FNDC3B: variants seen among roughly 807,000 people sequenced by gnomAD.
FNDC3B encodes the protein fibronectin type III domain-containing protein 3B.
Under a neutral mutation model 151.5 loss-of-function variants are expected in FNDC3B, and 12 were observed. The observed-to-expected ratio is 0.08, with a 90% confidence interval of 0.05 to 0.13. The LOEUF (loss-of-function observed/expected upper bound fraction) is 0.13. Among genes scored for constraint, FNDC3B ranks in the 10% least tolerant of loss-of-function variants. The pLI, the probability that FNDC3B is intolerant of heterozygous loss-of-function variation, is 1.00. For missense variants in FNDC3B, 1,214 were observed against 1,505.3 expected (o/e 0.81, Z 3.20); for synonymous variants, 528 against 549.0 (o/e 0.96, Z 0.54).
At chr3:172,266,091 A>C (rs1292543493) in intron 6 of FNDC3B, among the ~76,000 whole-genome samples, 1 of 152,216 alleles carries the variant, frequency 6.6e-6, no homozygotes, top group African/African-American at 2.4e-5. Context: ...GACCCTAAAA[A>C]TTCAGTAACA....
chr3:172,133,089 G>T (rs953194867), intron 2 of FNDC3B, among the ~76,000 whole-genome samples: 7 of 152,168 alleles, frequency 4.6e-5, no homozygotes, highest in African/African-American at 4.8e-5. Flanking sequence ...ACAGTATGCA[G>T]CACTGTTAGG....
intron 1 of FNDC3B, among the ~76,000 whole-genome samples, chr3:172,086,167 C>T (rs968668596): frequency 9.2e-5 from 14 of 151,930 alleles, no homozygotes; most frequent in African/African-American, 4.8e-5. Flanking sequence ...TTGAGACTGG[C>T]CTGGGCAACA....
intron 1 of FNDC3B, among the ~76,000 whole-genome samples, chr3:172,106,873 A>C (rs1311520079): frequency 6.6e-6 from 1 of 152,234 alleles, no homozygotes; most frequent in Non-Finnish European, 1.5e-5. Context: ...GGAATAAGCT[A>C]GTTGCCTAGA....
At chr3:172,101,504 G>A (rs1241164773) in intron 1 of FNDC3B, among the ~76,000 whole-genome samples, 2 of 152,132 alleles carry the variant, frequency 1.3e-5, no homozygotes, top group Non-Finnish European at 2.9e-5. Flanking sequence ...CTTTTTTCAA[G>A]TTCTTTTGTT....
At chr3:172,290,358 T>G (rs1342247625) in intron 7 of FNDC3B, among the ~76,000 whole-genome samples, 1 of 152,152 alleles carries the variant, frequency 6.6e-6, no homozygotes, top group Non-Finnish European at 1.5e-5. Flanking sequence ...TACTAGGTAT[T>G]TATCTTGGGA....
chr3:172,342,329 T>C (rs997770223), intron 17 of FNDC3B, among the ~76,000 whole-genome samples: 1 of 152,236 alleles, frequency 6.6e-6, no homozygotes, highest in Admixed American at 6.5e-5. Flanking sequence ...CCTTCCTATG[T>C]GTGAGGCACT....
intron 3 of FNDC3B, among the ~76,000 whole-genome samples, chr3:172,163,227 T>C (rs1722864066): frequency 6.6e-6 from 1 of 151,684 alleles, no homozygotes; most frequent in African/African-American, 2.4e-5. Context: ...GTTATGGTCG[T>C]GCCACTGCAC....
intron 6 of FNDC3B, among the ~76,000 whole-genome samples, chr3:172,258,999 T>C (rs1728510845): frequency 6.6e-6 from 1 of 152,220 alleles, no homozygotes; most frequent in South Asian, 2.1e-4. Context: ...CTGCTTCCCT[T>C]ACTGCATTTG....
chr3:172,247,786 T>C lies in FNDC3B; in HGVS notation c.508+10T>C. On this transcript the variant is annotated intron_variant, in intron 5 of 25. Transcript: ENST00000415807. Reference sequence around the variant, plus strand: ...ATATATGGTGAGCAAGGTGAGTAGATTTTCGTTGGCGTCAGGAGCCGTTGA... The same window carrying C: ...ATATATGGTGAGCAAGGTGAGTAGACTTTCGTTGGCGTCAGGAGCCGTTGA... The C allele has an allele frequency of 6.2e-7, 1 of 1,614,016 alleles. No individual in the cohort carries two copies. Among genetic ancestry groups the C allele is most frequent in the Non-Finnish European group, 8.5e-7 (1 of 1,179,914 alleles).
At chr3:172,254,032 G>A (rs544309191) in intron 6 of FNDC3B, among the ~76,000 whole-genome samples, 8 of 152,128 alleles carry the variant, frequency 5.3e-5, no homozygotes, top group African/African-American at 1.7e-4. Context: ...TGCCCACCTC[G>A]GCCTCCTTCT....
intron 25 of FNDC3B, among the ~76,000 whole-genome samples, chr3:172,394,777 A>G (rs998419749): frequency 5.9e-5 from 9 of 152,194 alleles, no homozygotes; most frequent in Admixed American, 3.9e-4. Context: ...CAAGGCCATT[A>G]CAAATAATAA....
intron 11 of FNDC3B, among the ~76,000 whole-genome samples, chr3:172,316,140 T>TGA (rs1186884948): frequency 6.6e-6 from 1 of 151,686 alleles, no homozygotes. Context: ...CTCGAGCAGC[T>TGA]GAGATTACAG....
chr3:172,338,066 T>C (rs1733081579), intron 16 of FNDC3B: 1 of 152,382 alleles, frequency 6.6e-6, no homozygotes, highest in Non-Finnish European at 1.5e-5. Context: ...TGGCTCACGC[T>C]GTAATCCCAG....
At chr3:172,319,055 T>A (rs1731954466) in intron 11 of FNDC3B, among the ~76,000 whole-genome samples, 1 of 152,240 alleles carries the variant, frequency 6.6e-6, no homozygotes, top group Non-Finnish European at 1.5e-5. Context: ...TTTTACCATT[T>A]CTCGCATGTG....
Position 172,400,489 on chromosome 3 carries a change from C to T in FNDC3B, c.*3014C>T, listed in dbSNP as rs539229960. ...ATGTTTTACCTCACTGTTGGACATACATTCCAAGCTTTTCAACTCTAGGAG... is the reference window on the plus strand; with the variant it reads ...ATGTTTTACCTCACTGTTGGACATATATTCCAAGCTTTTCAACTCTAGGAG... On this transcript the variant is annotated 3_prime_UTR_variant, in exon 26 of 26. Coordinates refer to ENST00000415807, the MANE Select transcript of FNDC3B (RefSeq NM_022763.4). The T allele has an allele frequency of 2.6e-5, 4 of 152,732 alleles. No homozygotes were observed. Among genetic ancestry groups the T allele is most frequent in the Non-Finnish European group, 5.9e-5 (4 of 68,024 alleles). The allele number at this position is 152,732 out of a possible 1,614,324, so 9.5% of individuals were successfully genotyped here. A position where few individuals can be genotyped will look rare whatever the true frequency, so the allele number is the denominator to read the frequency against.
chr3:172,367,903 A>G (rs1734708233), intron 23 of FNDC3B, among the ~76,000 whole-genome samples: 2 of 152,206 alleles, frequency 1.3e-5, no homozygotes, highest in African/African-American at 4.8e-5. Context: ...CTTGCTCTCC[A>G]TTAACTCAGC....
At chr3:172,276,950 G>A (rs757475988) in intron 6 of FNDC3B, among the ~76,000 whole-genome samples, 2 of 152,114 alleles carry the variant, frequency 1.3e-5, no homozygotes, top group African/African-American at 2.4e-5. Flanking sequence ...GATGTTATTG[G>A]AACAATTGAC....
chr3:172,322,637 A>G (rs529361099), intron 11 of FNDC3B, among the ~76,000 whole-genome samples: 9 of 152,360 alleles, frequency 5.9e-5, no homozygotes, highest in Non-Finnish European at 1.2e-4. Context: ...TTTAGGTACT[A>G]TAACCTAAGA....
chr3:172,295,411 G>C lies in FNDC3B; in HGVS notation c.898G>C (p.Val300Leu). ...AGTTGTGTTGTCCTGGGCTCCCCCT[G>C]TTGGACTTTCCTGTGGACCCCACAG... ...RAVVLSWAPP[V>L]GLSCGPHSGL... Residue 300 changes from valine (V) to leucine (L), a missense_variant, in exon 8 of 26, where the codon GTT (valine) becomes CTT (leucine). Val to Leu is a conservative substitution (Grantham distance 32, BLOSUM62 1). Around this residue, in one of 7 missense-constraint regions of FNDC3B, gnomAD observed 156 missense variants for 225.3 expected, o/e 0.69. Transcript: ENST00000415807. The C allele has an allele frequency of 1.2e-6, 2 of 1,614,122 alleles. No individual in the cohort carries two copies. The highest frequency in any genetic ancestry group is 1.3e-5 in the African/African-American group (1 of 75,052).
Sources: allele counts gnomAD v4.1 joint callset (sites outside exome capture counted in the v4.1 genomes callset), GRCh38; gene constraint gnomAD v4.1.1; regional missense constraint gnomAD v4.1.1; transcripts MANE v1.5; gene names NCBI Gene and HGNC (gene_info 2026-07-23, HGNC 2026-07-21).